ANKRD37: variants seen among roughly 807,000 people sequenced by gnomAD.
ANKRD37 encodes the protein ankyrin repeat domain-containing protein 37.
Under a neutral mutation model 19.7 loss-of-function variants are expected in ANKRD37, and 17 were observed. The ratio of observed to expected loss-of-function variants is 0.86; its 90% CI spans 0.59 to 1.29. The LOEUF (loss-of-function observed/expected upper bound fraction) is 1.29, where lower values mean the gene tolerates loss of function less well. Among genes scored for constraint, ANKRD37 ranks in the 50% most tolerant of loss-of-function variants. The probability of loss-of-function intolerance (pLI) is 0.00; values close to 1 mark genes in which losing one functional copy is unlikely to be tolerated. For missense variants in ANKRD37, 207 were observed against 190.4 expected (o/e 1.09, Z -0.51); for synonymous variants, 79 against 74.5 (o/e 1.06, Z -0.31).
rs1375951580 is a variant in ANKRD37, at chr4:185,399,142, T to C, written c.272+114T>C. The stretch of plus-strand genomic sequence containing the variant: ...AATAATGCTTGCGTAATTGATAATT[T>C]AGTGTTAATCATTTAAATGTTAACT... On this transcript the variant is annotated intron_variant, in intron 3 of 4. Transcript: ENST00000335174. 33 of 887,530 alleles carry C rather than the reference T, an allele frequency of 3.7e-5. No homozygotes were observed. The South Asian group carries it at 3.9e-4, about 11-fold the overall frequency. The allele number at this position is 887,530 out of a possible 1,614,324, so 55.0% of individuals were successfully genotyped here.
intron 2 of ANKRD37, among the ~76,000 whole-genome samples, chr4:185,398,483 G>A (rs937024713): frequency 3.3e-5 from 5 of 152,154 alleles, no homozygotes; most frequent in African/African-American, 1.2e-4. Context: ...TATCCCTAAT[G>A]TAATCACTAA....
Position 185,399,678 on chromosome 4 carries a change from A to G in ANKRD37, c.381A>G (p.Ala127=). 6.2e-7 allele frequency: 1 copy of G among 1,614,200 alleles called. No homozygotes were observed. Among genetic ancestry groups the G allele is most frequent in the African/African-American group, 1.3e-5 (1 of 75,056 alleles). The part of the protein sequence containing the change: ...TTIKCMQTIK[A]SEHPDRNDCV... ...TTAAATGTATGCAGACAATAAAAGC[A>G]AGTGAACACCCTGACAGGAATGATT... The change falls in exon 4 of 5, where the codon GCA becomes GCG. Residue 127 remains alanine (A), a synonymous_variant. Coordinates refer to ENST00000335174, the MANE Select transcript of ANKRD37 (RefSeq NM_181726.4).
chr4:185,400,535 G>A, downstream of ANKRD37: 1 of 1,344,810 alleles, frequency 7.4e-7, no homozygotes, highest in Non-Finnish European at 1.1e-6. Flanking sequence ...ATTATGTCAT[G>A]GAAATCGTGA....
chr4:185,400,559 C>A, downstream of ANKRD37: 2 of 1,009,704 alleles, frequency 2.0e-6, no homozygotes, highest in South Asian at 1.5e-5. Context: ...CAGGCTCTGT[C>A]AGCAGGACCT....
chr4:185,398,337 C>T (rs777069568), intron 2 of ANKRD37, among the ~76,000 whole-genome samples: 8 of 151,836 alleles, frequency 5.3e-5, no homozygotes, highest in South Asian at 2.1e-4. Flanking sequence ...TGCAGCTTAC[C>T]GAGGAAAAAA....
intron 2 of ANKRD37, chr4:185,397,539 T>C (rs2095506533): frequency 2.0e-6 from 1 of 511,112 alleles, no homozygotes. Context: ...ACATGAAATT[T>C]TAGTATTTGA....
Position 185,397,276 on chromosome 4 carries a change from CA to C in ANKRD37, c.157del (p.Thr53ArgfsTer11). On this transcript the variant is annotated frameshift_variant, in exon 2 of 5. Transcript: ENST00000335174. LOFTEE classifies it high-confidence loss of function. ...TGCTTGCTTTCTTCTCTGGCAGCTG[CA>C]AACGGGCGCTGACCTCAACCAGCAG... ...GLACFLLWQL[Q>X]TGADLNQQDV... 6.2e-7 allele frequency: 1 copy of C among 1,614,074 alleles called. No individual in the cohort carries two copies. The highest frequency in any genetic ancestry group is 1.3e-5 in the African/African-American group (1 of 75,084).
chr4:185,396,960 G>A lies in ANKRD37; in HGVS notation c.27+10G>A, dbSNP rs2095505065. On this transcript the variant is annotated intron_variant, in intron 1 of 4. Coordinates refer to ENST00000335174, the MANE Select transcript of ANKRD37 (RefSeq NM_181726.4). ...GGATTGCAACCCCGAGGTGAGATTC[G>A]GGCTCACAGAGCCCGAGCTTTTGTC... is the stretch of plus-strand genomic sequence containing the variant. The A allele has an allele frequency of 6.2e-7, 1 of 1,613,388 alleles. No individual in the cohort carries two copies. The highest frequency in any genetic ancestry group is 8.5e-7 in the Non-Finnish European group (1 of 1,180,018).
At position 185,399,584 on chromosome 4, in the gene ANKRD37, A is replaced by AT; in HGVS notation, c.287_288insT (p.Gly97ArgfsTer5). The AT allele has an allele frequency of 6.2e-7, 1 of 1,614,212 alleles. No homozygotes were observed. The highest frequency in any genetic ancestry group is 1.1e-5 in the South Asian group (1 of 91,088). On this transcript the variant is annotated frameshift_variant, in exon 4 of 5. Coordinates refer to ENST00000335174, the MANE Select transcript of ANKRD37 (RefSeq NM_181726.4). LOFTEE classifies it high-confidence loss of function. The stretch of plus-strand genomic sequence containing the variant: ...CCTGTTTTCAGTTTATGTAATAAGA[A>AT]CGGGCAAACAGCTGAAGATCTCGCT...
rs764895901 is a variant in ANKRD37, at chr4:185,396,878, CCT to C, written c.-41_-40del. The C allele has an allele frequency of 4.0e-5, 65 of 1,607,706 alleles. No homozygotes were observed. Among genetic ancestry groups the C allele is most frequent in the South Asian group, 5.5e-5 (5 of 90,986 alleles). On this transcript the variant is annotated 5_prime_UTR_variant, in exon 1 of 5. Transcript: ENST00000335174. ...CTGTCGGGGTGCGGCGAGTGTCTCA[CCT>C]CTCTGCACTTCCAAGGACTCTTGTC...
chr4:185,397,000 T>A, intron 1 of ANKRD37, 50 bp downstream of exon 1: 1 of 1,612,270 alleles, frequency 6.2e-7, no homozygotes, highest in Non-Finnish European at 8.5e-7. Flanking sequence ...AGGCTCAAGC[T>A]TCTAGATTCG....
chr4:185,399,937 A>C (rs2095511209), intron 4 of ANKRD37, 80 bp from the exon 5 acceptor site: 1 of 1,559,604 alleles, frequency 6.4e-7, no homozygotes, highest in Non-Finnish European at 8.6e-7. Context: ...GAGACCAAAA[A>C]TGGGACTGCA....
chr4:185,400,115 C>A lies in ANKRD37; in HGVS notation c.*98C>A, dbSNP rs557089455. 2 of 1,194,862 alleles carry A rather than the reference C, an allele frequency of 1.7e-6. No homozygotes were observed. Among genetic ancestry groups the A allele is most frequent in the African/African-American group, 3.1e-5 (2 of 64,902 alleles). 74.0% of individuals were successfully genotyped at this position (1,194,862 alleles called of 1,614,324 possible). On this transcript the variant is annotated 3_prime_UTR_variant, in exon 5 of 5. Transcript: ENST00000335174. ...TTTACCATATGTTGTGTCTAATCTC[C>A]TTCTGAGAAGGACGAAAAACTTTCT...
chr4:185,398,794 CAAAAAAAAAAA>C, intron 2 of ANKRD37, 132 bp from the exon 3 acceptor site: 1 of 252,508 alleles, frequency 4.0e-6, no homozygotes, highest in Non-Finnish European at 7.1e-6. Context: ...TGTTCTCTGC[CAAAAAAAAAAA>C]AAAAAAAAAT....
chr4:185,398,548 T>C (rs2095508725), intron 2 of ANKRD37, among the ~76,000 whole-genome samples: 1 of 152,230 alleles, frequency 6.6e-6, no homozygotes, highest in Non-Finnish European at 1.5e-5. Flanking sequence ...TATGCTAGAA[T>C]GCTGAAGTTA....
chr4:185,400,104 T>C lies in ANKRD37; in HGVS notation c.*87T>C. 7.9e-7 allele frequency: 1 copy of C among 1,261,478 alleles called. No homozygotes were observed. The highest frequency in any genetic ancestry group is 1.1e-6 in the Non-Finnish European group (1 of 891,272). The allele number at this position is 1,261,478 out of a possible 1,614,324, so 78.1% of individuals were successfully genotyped here. ...CTGCTTTTGGCTTTACCATATGTTGTGTCTAATCTCCTTCTGAGAAGGACG... is the reference window on the plus strand; with the variant it reads ...CTGCTTTTGGCTTTACCATATGTTGCGTCTAATCTCCTTCTGAGAAGGACG... On this transcript the variant is annotated 3_prime_UTR_variant, in exon 5 of 5. Coordinates refer to ENST00000335174, the MANE Select transcript of ANKRD37 (RefSeq NM_181726.4).
At chr4:185,397,388 G>A in intron 2 of ANKRD37, 86 bp downstream of exon 2, 1 of 1,519,182 alleles carries the variant, frequency 6.6e-7, no homozygotes, top group Non-Finnish European at 8.9e-7. Context: ...AGTTGTTTCA[G>A]CTGTTAAAAA....
chr4:185,396,856 T>C lies in ANKRD37; in HGVS notation c.-68T>C, dbSNP rs2095504761. 7.8e-6 allele frequency: 12 copies of C among 1,541,166 alleles called. No individual in the cohort carries two copies. Among genetic ancestry groups the C allele is most frequent in the Non-Finnish European group, 1.1e-5 (12 of 1,119,072 alleles). On this transcript the variant is annotated 5_prime_UTR_variant, in exon 1 of 5. Transcript: ENST00000335174. ...GGGCCAGCCTGCGCATTCTTACCTG[T>C]CGGGGTGCGGCGAGTGTCTCACCTC...
At chr4:185,397,063 T>TTG in intron 1 of ANKRD37, 87 bp from the exon 2 acceptor site, 3 of 1,609,928 alleles carry the variant, frequency 1.9e-6, no homozygotes, top group Non-Finnish European at 1.7e-6. Context: ...TCAGAGCTGG[T>TTG]TGTGAAGGGC....
Sources: allele counts gnomAD v4.1 joint callset (sites outside exome capture counted in the v4.1 genomes callset), GRCh38; gene constraint gnomAD v4.1.1; transcripts MANE v1.5; gene names NCBI Gene and HGNC (gene_info 2026-07-23, HGNC 2026-07-21).